PRH1: variants seen among roughly 807,000 people sequenced by gnomAD.
PRH1 encodes the protein proline rich protein HaeIII subfamily 1, also known as salivary acidic proline-rich phosphoprotein 1/2.
In PRH1, 7 loss-of-function variants were observed where a neutral mutation model predicts 7.9. That is an observed-to-expected ratio of 0.89 (90% CI 0.50 to 1.67). PRH1 has a LOEUF of 1.67. Among genes scored for constraint, PRH1 ranks in the 40% most tolerant of loss-of-function variants. The pLI is 0.00. For synonymous variants in PRH1, 45 were observed against 80.8 expected (o/e 0.56, Z 2.38); for missense variants, 109 against 223.6 (o/e 0.49, Z 3.27).
chr12:11,143,084 C>T (rs144373642), intron 1 of PRH1, among the ~76,000 whole-genome samples: 4 of 151,250 alleles, frequency 2.6e-5, no homozygotes, highest in Non-Finnish European at 4.4e-5. Flanking sequence ...GTGTAAACCT[C>T]GCTAAAGTAC....
chr12:11,162,873 G>A (rs562886294), intron 1 of PRH1, among the ~76,000 whole-genome samples: 13 of 152,282 alleles, frequency 8.5e-5, no homozygotes, highest in Admixed American at 3.9e-4. Flanking sequence ...TAATATTTGC[G>A]AAGACTTCTT....
intron 2 of PRH1, among the ~76,000 whole-genome samples, chr12:10,961,887 T>G (rs1005509811): frequency 6.6e-6 from 1 of 152,184 alleles, no homozygotes; most frequent in Non-Finnish European, 1.5e-5. Context: ...AGTGCATGCA[T>G]CTGATGACCA....
chr12:11,158,539 G>A (rs1947320887), intron 1 of PRH1, among the ~76,000 whole-genome samples: 1 of 151,722 alleles, frequency 6.6e-6, no homozygotes, highest in African/African-American at 2.4e-5. Flanking sequence ...TTTTCTCCAA[G>A]TCTCACATAC....
At chr12:10,956,272 A>G (rs780492835) in intron 2 of PRH1, among the ~76,000 whole-genome samples, 2 of 152,224 alleles carry the variant, frequency 1.3e-5, no homozygotes, top group Non-Finnish European at 2.9e-5. Flanking sequence ...GGTTAAACAC[A>G]TGTAAATCAA....
chr12:10,939,123 G>T, intron 2 of PRH1: 1 of 1,607,708 alleles, frequency 6.2e-7, no homozygotes, highest in Non-Finnish European at 8.5e-7. Flanking sequence ...CAGTTCACCA[G>T]TGCTATGAAA....
chr12:11,145,251 G>A (rs532311758), intron 1 of PRH1, among the ~76,000 whole-genome samples: 2 of 152,256 alleles, frequency 1.3e-5, no homozygotes, highest in East Asian at 1.9e-4. Flanking sequence ...GAATACAGTG[G>A]CGCAATCTCG....
At chr12:10,920,003 A>C (rs1248288271) in intron 2 of PRH1, among the ~76,000 whole-genome samples, 1 of 151,150 alleles carries the variant, frequency 6.6e-6, no homozygotes, top group African/African-American at 2.4e-5. Flanking sequence ...GGGCTCAAAC[A>C]ATCCTCCTGT....
At chr12:11,022,004 G>C (rs1437011977) in intron 1 of PRH1, 2 of 1,613,928 alleles carry the variant, frequency 1.2e-6, no homozygotes, top group Non-Finnish European at 8.5e-7. Flanking sequence ...ATTAGGCTCA[G>C]AGTAAAGGGT....
chr12:11,128,629 C>T (rs1437312456), intron 1 of PRH1, among the ~76,000 whole-genome samples: 2 of 149,454 alleles, frequency 1.3e-5, no homozygotes, highest in Admixed American at 6.7e-5. Flanking sequence ...ACCTATAATC[C>T]GAGCCACTCG....
At chr12:11,053,334 T>G (rs1205872297) in intron 1 of PRH1, among the ~76,000 whole-genome samples, 1 of 152,260 alleles carries the variant, frequency 6.6e-6, no homozygotes, top group African/African-American at 2.4e-5. Context: ...TCTGTTTGAT[T>G]TATTTAGCCC....
At chr12:10,966,022 CACACAT>C (rs1156621610) in intron 2 of PRH1, among the ~76,000 whole-genome samples, 2 of 152,182 alleles carry the variant, frequency 1.3e-5, no homozygotes, top group Non-Finnish European at 2.9e-5. Flanking sequence ...GACAGACACA[CACACAT>C]ACACATACCC....
chr12:11,066,327 A>G (rs1591936079), intron 1 of PRH1, among the ~76,000 whole-genome samples: 1 of 152,306 alleles, frequency 6.6e-6, no homozygotes. Context: ...AATAAAAGCT[A>G]GCTCATAAAA....
intron 1 of PRH1, among the ~76,000 whole-genome samples, chr12:10,988,747 T>G (rs1014293952): frequency 3.3e-5 from 5 of 152,114 alleles, no homozygotes; most frequent in African/African-American, 1.2e-4. Flanking sequence ...TCCAAGCCCC[T>G]ACACCTTTCT....
chr12:11,134,350 G>C, intron 1 of PRH1: 4 of 1,203,622 alleles, frequency 3.3e-6, no homozygotes, highest in Non-Finnish European at 4.5e-6. Flanking sequence ...ATTTGTGTAT[G>C]TGCTGTGACA....
At chr12:10,973,772 A>T in intron 1 of PRH1, 1 of 765,242 alleles carries the variant, frequency 1.3e-6, no homozygotes, top group Non-Finnish European at 2.4e-6. Context: ...TTCATCGGAG[A>T]GCTGTGCAAA....
chr12:11,069,613 C>T (rs1255316492), intron 1 of PRH1, among the ~76,000 whole-genome samples: 12 of 152,314 alleles, frequency 7.9e-5, no homozygotes, highest in Middle Eastern at 3.4e-3. Flanking sequence ...GCAACATAGA[C>T]TCTGGTGATC....
At chr12:10,885,956 G>T (rs1416166432), upstream of PRH1, among the ~76,000 whole-genome samples, 1 of 152,316 alleles carries the variant, frequency 6.6e-6, no homozygotes, top group Middle Eastern at 3.4e-3. Context: ...ATTAGATTTT[G>T]CTACAGACGA....
At chr12:10,954,213 T>C (rs937889562) in intron 2 of PRH1, among the ~76,000 whole-genome samples, 1 of 152,192 alleles carries the variant, frequency 6.6e-6, no homozygotes, top group Admixed American at 6.5e-5. Context: ...CCAGTCTGCA[T>C]GATAAGCAGC....
chr12:10,911,026 G>A (rs7312662), intron 2 of PRH1, among the ~76,000 whole-genome samples: 149,455 of 152,316 alleles, frequency 0.98, 73,366 homozygotes, highest in Middle Eastern at 1. Context: ...AATAGAAAAT[G>A]TCTCCTTTAA....
Sources: gnomAD v4.1 joint callset for allele counts (sites outside exome capture counted in the v4.1 genomes callset) on GRCh38, gnomAD v4.1.1 for gene constraint, MANE v1.5 for transcripts, NCBI Gene and HGNC (gene_info 2026-07-23, HGNC 2026-07-21) for gene names.